The following PPARG variants were observed in gnomAD, a reference collection of about 807,000 sequenced individuals.
PPARG encodes peroxisome proliferator-activated receptor gamma.
PPARG carries 17 observed loss-of-function variants against 39.2 expected under a neutral mutation model. The ratio of observed to expected loss-of-function variants is 0.43; its 90% confidence interval spans 0.30 to 0.65. The LOEUF is 0.65. Ranked by LOEUF, PPARG falls within the 30% of genes least tolerant of loss-of-function variation. PPARG has a pLI of 0.13. For missense variants in PPARG, 406 were observed against 585.9 expected, an observed-to-expected ratio of 0.69 and a Z score of 3.17; for synonymous variants, 223 against 215.7, an observed-to-expected ratio of 1.03 and a Z score of -0.30.
chr3:12,315,517 T>G (rs1392527951), intron 2 of PPARG, among the ~76,000 whole-genome samples: 1 of 152,184 alleles, frequency 6.6e-6, no homozygotes, highest in African/African-American at 2.4e-5. Flanking sequence ...AGTTAAGTAG[T>G]TTTTTAAGGT....
chr3:12,335,742 C>T (rs577554568), intron 2 of PPARG, among the ~76,000 whole-genome samples: 1 of 152,250 alleles, frequency 6.6e-6, no homozygotes, highest in East Asian at 1.9e-4. Flanking sequence ...AGAAAATTCA[C>T]CCCACCACGT....
At chr3:12,324,293 A>AG (rs1486856612) in intron 2 of PPARG, among the ~76,000 whole-genome samples, 1 of 151,704 alleles carries the variant, frequency 6.6e-6, no homozygotes, top group Non-Finnish European at 1.5e-5. Flanking sequence ...GAAAAAAAAA[A>AG]GAATAGACAT....
intron 2 of PPARG, chr3:12,351,668 T>A (rs753139831): frequency 6.2e-7 from 1 of 1,606,284 alleles, no homozygotes; most frequent in Non-Finnish European, 8.5e-7. Flanking sequence ...TGCAAACATA[T>A]CACAAGGTAA....
intron 6 of PPARG, among the ~76,000 whole-genome samples, chr3:12,408,350 A>G (rs2050746962): frequency 6.6e-6 from 1 of 152,204 alleles, no homozygotes; most frequent in Non-Finnish European, 1.5e-5. Flanking sequence ...TTACATGCAC[A>G]GGACTGCACA....
chr3:12,321,281 A>T (rs1026768580), intron 2 of PPARG, among the ~76,000 whole-genome samples: 3 of 152,200 alleles, frequency 2.0e-5, no homozygotes, highest in African/African-American at 7.2e-5. Context: ...CCTCTGATAC[A>T]TGGAAGTTAT....
At chr3:12,389,633 G>A (rs538513384) in intron 4 of PPARG, among the ~76,000 whole-genome samples, 4 of 152,306 alleles carry the variant, frequency 2.6e-5, no homozygotes, top group Admixed American at 2.0e-4. Flanking sequence ...GCACATGTGT[G>A]TAATCTCAGG....
chr3:12,362,802 G>A (rs1437396260), intron 2 of PPARG, among the ~76,000 whole-genome samples: 5 of 151,596 alleles, frequency 3.3e-5, no homozygotes, highest in Non-Finnish European at 7.4e-5. Context: ...ATTTTTGTTT[G>A]TTTATTTGTT....
intron 1 of PPARG, among the ~76,000 whole-genome samples, chr3:12,306,765 C>T (rs978064209): frequency 2.0e-5 from 3 of 152,198 alleles, no homozygotes; most frequent in African/African-American, 7.2e-5. Context: ...AATTAGATCA[C>T]CAAATCTTTA....
At chr3:12,356,418 G>T (rs1020163541) in intron 2 of PPARG, among the ~76,000 whole-genome samples, 1 of 152,160 alleles carries the variant, frequency 6.6e-6, no homozygotes, top group African/African-American at 2.4e-5. Flanking sequence ...GCAAGGGATT[G>T]CCAACACAAG....
At chr3:12,366,807 G>T (rs903510191) in intron 2 of PPARG, among the ~76,000 whole-genome samples, 1 of 152,052 alleles carries the variant, frequency 6.6e-6, no homozygotes, top group Non-Finnish European at 1.5e-5. Context: ...CTGATATTTT[G>T]TTAAAGATTT....
intron 1 of PPARG, among the ~76,000 whole-genome samples, chr3:12,291,366 A>G (rs2046644860): frequency 2.0e-5 from 3 of 152,208 alleles, no homozygotes; most frequent in Admixed American, 2.0e-4. Context: ...GTGAACAACC[A>G]TCTTGCAAGT....
intron 1 of PPARG, among the ~76,000 whole-genome samples, chr3:12,299,844 A>G (rs558245031): frequency 2.6e-5 from 4 of 152,298 alleles, no homozygotes; most frequent in African/African-American, 7.2e-5. Flanking sequence ...AAAGGCCATT[A>G]CAAACTTTTA....
chr3:12,347,316 T>A (rs1252179967), intron 2 of PPARG, among the ~76,000 whole-genome samples: 1 of 152,106 alleles, frequency 6.6e-6, no homozygotes, highest in East Asian at 1.9e-4. Context: ...AAGACCCCGG[T>A]CAAAAATTTT....
At chr3:12,404,502 CAT>C (rs1310046112) in intron 5 of PPARG, among the ~76,000 whole-genome samples, 1 of 152,286 alleles carries the variant, frequency 6.6e-6, no homozygotes, top group African/African-American at 2.4e-5. Flanking sequence ...AGCATAATAA[CAT>C]ATAAAATAAC....
chr3:12,376,950 A>G (rs1461325050), intron 2 of PPARG, among the ~76,000 whole-genome samples: 10 of 152,166 alleles, frequency 6.6e-5, no homozygotes, highest in Non-Finnish European at 1.5e-4. Flanking sequence ...TCCTAAATTT[A>G]CACAGCTCTC....
At chr3:12,328,580 G>A (rs534836117) in intron 2 of PPARG, among the ~76,000 whole-genome samples, 1 of 152,252 alleles carries the variant, frequency 6.6e-6, no homozygotes, top group African/African-American at 2.4e-5. Context: ...TTTCCACTAG[G>A]CACACCAGCC....
intron 2 of PPARG, among the ~76,000 whole-genome samples, chr3:12,320,785 CA>C (rs1368813245): frequency 1.3e-5 from 2 of 152,182 alleles, no homozygotes; most frequent in African/African-American, 4.8e-5. Context: ...GTGGCTGAAG[CA>C]GGAGGATCAC....
chr3:12,381,513 A>G (rs778314547), intron 4 of PPARG, 22 bp downstream of exon 4: 3 of 1,610,174 alleles, frequency 1.9e-6, no homozygotes. Context: ...AAAAGTCTTC[A>G]AAGAAATTGT....
intron 5 of PPARG, among the ~76,000 whole-genome samples, chr3:12,401,212 C>A (rs1035426274): frequency 2.6e-5 from 4 of 152,170 alleles, no homozygotes; most frequent in Non-Finnish European, 5.9e-5. Flanking sequence ...GTCAGATTCT[C>A]CACATGAAGG....
Sources: allele counts gnomAD v4.1 joint callset (sites outside exome capture counted in the v4.1 genomes callset), GRCh38; gene constraint gnomAD v4.1.1; transcripts MANE v1.5; gene names NCBI Gene and HGNC (gene_info 2026-07-23, HGNC 2026-07-21).